Variants in AKR7A2 observed in about 807,000 individuals in gnomAD.
The protein encoded by AKR7A2 is aldo-keto reductase family 7 member A2.
A neutral mutation model predicts 37.3 loss-of-function variants in AKR7A2; 29 were observed. The ratio of observed to expected loss-of-function variants is 0.78; its 90% CI spans 0.58 to 1.06. The LOEUF is 1.06. Ranked by LOEUF, AKR7A2 falls within the 50% of genes least tolerant of loss-of-function variation. AKR7A2 has a pLI of 0.00. For missense variants in AKR7A2, 529 were observed against 497.9 expected (o/e 1.06, Z -0.59); for synonymous variants, 228 against 217.8 (o/e 1.05, Z -0.41).
At position 19,310,613 on chromosome 1, in the gene AKR7A2, A is replaced by T. The variant is rs2093771222; in HGVS notation, c.298+1214T>A. Reference sequence around the variant, plus strand: ...CTTGGGAGGCTGAGGCAGAGGTTGCAGTGAGCTGAGATCGTGCCATTGCAC... The same window carrying T: ...CTTGGGAGGCTGAGGCAGAGGTTGCTGTGAGCTGAGATCGTGCCATTGCAC... On this transcript the variant is annotated intron_variant, in intron 1 of 6. Transcript: ENST00000235835. 2.6e-5 allele frequency among the ~76,000 whole-genome samples: 4 copies of T among 152,140 alleles called. No homozygotes were observed. In the South Asian group the frequency reaches 8.3e-4, roughly 32 times the overall value.
intron 3 of AKR7A2, 40 bp downstream of exon 3, chr1:19,308,118 G>A: frequency 1.2e-6 from 2 of 1,610,894 alleles, no homozygotes; most frequent in Non-Finnish European, 8.5e-7. Context: ...GGATTAGCAG[G>A]AGTCCTGGAG....
intron 1 of AKR7A2, among the ~76,000 whole-genome samples, chr1:19,310,768 C>T (rs1051197051): frequency 4.6e-5 from 7 of 152,162 alleles, no homozygotes; most frequent in Non-Finnish European, 1.0e-4. Flanking sequence ...CCCCCGACCC[C>T]CCAAGCGCTA....
At position 19,304,138 on chromosome 1, in the gene AKR7A2, C is replaced by G; in HGVS notation, c.*87G>C. 2.5e-6 allele frequency: 4 copies of G among 1,604,044 alleles called. No homozygotes were observed. Among genetic ancestry groups the G allele is most frequent in the East Asian group, 4.5e-5 (2 of 44,826 alleles). On this transcript the variant is annotated 3_prime_UTR_variant, in exon 7 of 7. Coordinates refer to ENST00000235835, the MANE Select transcript of AKR7A2 (RefSeq NM_003689.4). The stretch of plus-strand genomic sequence containing the variant: ...ATCTAGACAATTCAGAAAAACCCTT[C>G]TAAGTCAGCTTAAGGCCAAGACTGG...
At chr1:19,311,521 G>C (rs1191118530) in intron 1 of AKR7A2, among the ~76,000 whole-genome samples, 2 of 152,320 alleles carry the variant, frequency 1.3e-5, no homozygotes, top group East Asian at 3.9e-4. Flanking sequence ...GGTGGGGACC[G>C]GTTGTGGGCA....
chr1:19,308,216 A>T lies in AKR7A2; in HGVS notation c.533T>A (p.Val178Glu). ...CTTGCAGAGGGTACAGATCTCGGCC[A>T]CTTCCCAGCTAGCATAGTTGGAGAG... ...LGLSNYASWE[V>E]AEICTLCKSN... Residue 178 changes from valine (V) to glutamate (E), a missense_variant, in exon 3 of 7, where the codon GTG (valine) becomes GAG (glutamate). Transcript: ENST00000235835. 6.2e-7 allele frequency: 1 copy of T among 1,613,544 alleles called. No individual in the cohort carries two copies. Among genetic ancestry groups the T allele is most frequent in the Non-Finnish European group, 8.5e-7 (1 of 1,179,824 alleles).
rs577261238 is a variant in AKR7A2 at position 19,312,051 on chromosome 1, G to C, written c.74C>G (p.Ala25Gly). Reference sequence around the variant, plus strand: ...TGGCCGGGACATGGCGAGCGCGCGGGCCTCGGGCGGCGGAGAGCGAAGCGC... The same window carrying C: ...TGGCCGGGACATGGCGAGCGCGCGGCCCTCGGGCGGCGGAGAGCGAAGCGC... ...HCALRSPPPE[A>G]RALAMSRPPP... Residue 25 changes from alanine to glycine, a missense_variant, in exon 1 of 7, where the codon GCC (alanine) becomes GGC (glycine). Physicochemically the swap from Ala to Gly is moderately conservative, Grantham distance 60 (BLOSUM62 0). Transcript: ENST00000235835. 1.9e-5 allele frequency: 26 copies of C among 1,371,618 alleles called. No homozygotes were observed. The African/African-American group carries it at 3.4e-4, about 18-fold the overall frequency. 85.0% of individuals were successfully genotyped at this position (1,371,618 alleles called of 1,614,324 possible).
intron 3 of AKR7A2, 138 bp from the exon 4 acceptor site, chr1:19,307,548 G>A (rs1353450650): frequency 2.1e-6 from 2 of 943,340 alleles, no homozygotes; most frequent in African/African-American, 3.3e-5. Context: ...GTAGGGGATG[G>A]AGGGAAGGTG....
chr1:19,307,456 A>G, intron 3 of AKR7A2, 46 bp from the exon 4 acceptor site: 2 of 1,604,570 alleles, frequency 1.2e-6, no homozygotes, highest in Non-Finnish European at 1.7e-6. Flanking sequence ...TGTCAAGAGA[A>G]GGAACTGTTG....
At chr1:19,310,009 G>A (rs1405044603) in intron 1 of AKR7A2, among the ~76,000 whole-genome samples, 1 of 152,024 alleles carries the variant, frequency 6.6e-6, no homozygotes, top group Non-Finnish European at 1.5e-5. Context: ...CTGGGAGGCA[G>A]AGGTTGCAGT....
chr1:19,303,332 G>A (rs1178257439), downstream of AKR7A2, among the ~76,000 whole-genome samples: 1 of 152,116 alleles, frequency 6.6e-6, no homozygotes, highest in Non-Finnish European at 1.5e-5. Context: ...ATTGCTTCAA[G>A]AAGCTGCTCC....
Position 19,312,095 on chromosome 1 carries a change from G to A in AKR7A2, c.30C>T (p.Ser10=), listed in dbSNP as rs2093778463. 9 of 1,335,064 alleles carry A rather than the reference G, an allele frequency of 6.7e-6. No homozygotes were observed. The East Asian group carries it at 1.9e-4, about 28-fold the overall frequency. The allele number at this position is 1,335,064 out of a possible 1,614,324, so 82.7% of individuals were successfully genotyped here. Residue 10 remains serine, a synonymous_variant, in exon 1 of 7, where the codon TCC becomes TCT. Transcript: ENST00000235835. ...GAAGCGCGCAGTGGACGGCGGCGCG[G>A]GAGACTACGCGAGACGCGGCACTCA... is the stretch of plus-strand genomic sequence containing the variant. MLSAASRVV[S]RAAVHCALRS... is the part of the protein sequence containing the mutation.
At chr1:19,307,555 G>A in intron 3 of AKR7A2, 145 bp from the exon 4 acceptor site, 1 of 892,364 alleles carries the variant, frequency 1.1e-6, no homozygotes, top group South Asian at 1.5e-5. Flanking sequence ...ATGGAGGGAA[G>A]GTGTTGGGCC....
At chr1:19,307,944 C>T in intron 3 of AKR7A2, 1 of 657,764 alleles carries the variant, frequency 1.5e-6, no homozygotes, top group Non-Finnish European at 2.7e-6. Context: ...AAGGAAGGGT[C>T]CAAGGTGCAC....
intron 6 of AKR7A2, 129 bp downstream of exon 6, chr1:19,305,888 AG>A (rs2093760590): frequency 4.1e-6 from 6 of 1,452,066 alleles, no homozygotes; most frequent in Non-Finnish European, 5.8e-6. Flanking sequence ...CAGTGGGAAG[AG>A]TGCTTATGAG....
chr1:19,304,230 GGAA>G lies in AKR7A2; in HGVS notation c.1072_1074del (p.Phe358del), dbSNP rs2093757096. 1 of 1,614,076 alleles carries G rather than the reference GGAA, an allele frequency of 6.2e-7. No homozygotes were observed. Among genetic ancestry groups the G allele is most frequent in the African/African-American group, 1.3e-5 (1 of 74,924 alleles). On this transcript the variant is annotated inframe_deletion, in exon 7 of 7. Transcript: ENST00000235835. ...CAGCCTGAGCCATGATGGGCCTAGCGGAAGTAGTTGGGACATTCGTGAGCAACC... is the reference window on the plus strand; with the variant it reads ...CAGCCTGAGCCATGATGGGCCTAGCGGTAGTTGGGACATTCGTGAGCAACC...
chr1:19,308,145 C>G lies in AKR7A2; in HGVS notation c.591+13G>C, dbSNP rs1320301488. 6.2e-7 allele frequency: 1 copy of G among 1,613,934 alleles called. No individual in the cohort carries two copies. Among genetic ancestry groups the G allele is most frequent in the East Asian group, 2.2e-5 (1 of 44,884 alleles). On this transcript the variant is annotated intron_variant, in intron 3 of 6. Coordinates refer to ENST00000235835, the MANE Select transcript of AKR7A2 (RefSeq NM_003689.4). ...GTCCTGGAGACCTTGGCCTCTGCAG[C>G]CCCGGCCCTCACCTGGTACACAGTG...
chr1:19,311,118 T>C (rs1345023573), intron 1 of AKR7A2, among the ~76,000 whole-genome samples: 1 of 152,254 alleles, frequency 6.6e-6, no homozygotes, highest in Non-Finnish European at 1.5e-5. Context: ...CAGCATTTGC[T>C]GAGCCTTCCC....
intron 6 of AKR7A2, among the ~76,000 whole-genome samples, chr1:19,304,902 G>C (rs916989940): frequency 6.6e-6 from 1 of 152,086 alleles, no homozygotes; most frequent in African/African-American, 2.4e-5. Flanking sequence ...GTGTGCTGCT[G>C]TTCTACCGCC....
chr1:19,307,404 A>G lies in AKR7A2; in HGVS notation c.598T>C (p.Tyr200His). Residue 200 changes from tyrosine (Y) to histidine (H), a missense_variant, in exon 4 of 7, where the codon TAC becomes CAC. By Grantham distance (83) the Tyr-to-His change is moderately conservative. Coordinates refer to ENST00000235835, the MANE Select transcript of AKR7A2 (RefSeq NM_003689.4). The part of the protein sequence containing the change: ...WILPTVYQGM[Y>H]NATTRQVETE... ...TCCACCTGCCGGGTGGTGGCGTTGTACATGCCCTGCAGGGAGAGGGACCCC... is the reference window on the plus strand; with the variant it reads ...TCCACCTGCCGGGTGGTGGCGTTGTGCATGCCCTGCAGGGAGAGGGACCCC... The G allele has an allele frequency of 6.2e-7, 1 of 1,614,186 alleles. No homozygotes were observed. Among genetic ancestry groups the G allele is most frequent in the Non-Finnish European group, 8.5e-7 (1 of 1,180,002 alleles).
Sources: allele counts gnomAD v4.1 joint callset (sites outside exome capture counted in the v4.1 genomes callset), GRCh38; gene constraint gnomAD v4.1.1; transcripts MANE v1.5; gene names NCBI Gene and HGNC (gene_info 2026-07-23, HGNC 2026-07-21).